CNST: variants seen among roughly 807,000 people sequenced by gnomAD.
CNST encodes consortin, connexin sorting protein.
In CNST, 39 loss-of-function variants were observed where a neutral mutation model predicts 72.4. The observed-to-expected ratio is 0.54, with a 90% CI of 0.42 to 0.70. CNST has a LOEUF of 0.70. Ranked by LOEUF, CNST falls within the 30% of genes least tolerant of loss-of-function variation. CNST has a pLI of 0.00. For missense variants in CNST, 871 were observed against 868.5 expected, an observed-to-expected ratio of 1.00 and a Z score of -0.04; for synonymous variants, 332 against 320.1, an observed-to-expected ratio of 1.04 and a Z score of -0.40.
At chr1:246,634,069 C>A in intron 5 of CNST, 59 bp downstream of exon 5, 1 of 1,033,202 alleles carries the variant, frequency 9.7e-7, no homozygotes, top group Non-Finnish European at 1.5e-6. Flanking sequence ...TCACTATCTA[C>A]AAAATTAACA....
chr1:246,664,584 G>A (rs558608139), intron 10 of CNST, among the ~76,000 whole-genome samples: 28 of 151,996 alleles, frequency 1.8e-4, no homozygotes, highest in Non-Finnish European at 3.1e-4. Flanking sequence ...CTGCCACCAC[G>A]CCCAGCTGAT....
rs1664804792 is a variant in CNST at position 246,632,031 on chromosome 1, G to T, written c.616+107G>T. ...ATGTAATAGAATGTACAGATCATAT[G>T]GTTTCAGTGGTTTTGACAGTTGTAT... On this transcript the variant is annotated intron_variant, in intron 4 of 10. Coordinates refer to ENST00000366513, the MANE Select transcript of CNST (RefSeq NM_152609.3). 5.8e-6 allele frequency: 4 copies of T among 689,786 alleles called. No individual in the cohort carries two copies. The East Asian group carries it at 8.3e-5, about 14-fold the overall frequency. The allele number at this position is 689,786 out of a possible 1,614,324, so 42.7% of individuals were successfully genotyped here.
intron 10 of CNST, among the ~76,000 whole-genome samples, chr1:246,664,681 C>T (rs1008744415): frequency 6.6e-6 from 1 of 152,106 alleles, no homozygotes; most frequent in Non-Finnish European, 1.5e-5. Flanking sequence ...CCGCCTCAGC[C>T]TCCCAAAGTG....
At chr1:246,594,095 G>A (rs1661723131) in intron 2 of CNST, among the ~76,000 whole-genome samples, 1 of 152,156 alleles carries the variant, frequency 6.6e-6, no homozygotes, top group Non-Finnish European at 1.5e-5. Context: ...GCATACCTAT[G>A]AGTCAGTCAT....
chr1:246,574,709 C>G (rs987297697), intron 1 of CNST, among the ~76,000 whole-genome samples: 16 of 152,094 alleles, frequency 1.1e-4, no homozygotes, highest in Non-Finnish European at 1.9e-4. Flanking sequence ...GTGTATTTTT[C>G]AGAGGGAATT....
At chr1:246,584,414 A>G (rs1661001189) in intron 1 of CNST, among the ~76,000 whole-genome samples, 1 of 152,194 alleles carries the variant, frequency 6.6e-6, no homozygotes, top group Non-Finnish European at 1.5e-5. Context: ...AGTGGGAAGA[A>G]TGGCGGTGCA....
At chr1:246,595,845 A>G (rs899432788) in intron 2 of CNST, among the ~76,000 whole-genome samples, 15 of 152,204 alleles carry the variant, frequency 9.9e-5, no homozygotes, top group African/African-American at 3.4e-4. Context: ...TCATTTTTCA[A>G]TTACTACTGT....
At chr1:246,594,398 G>A (rs943874870) in intron 2 of CNST, among the ~76,000 whole-genome samples, 2 of 152,092 alleles carry the variant, frequency 1.3e-5, no homozygotes, top group African/African-American at 4.8e-5. Context: ...TGAAACATAT[G>A]ATTTATAAAA....
intron 6 of CNST, 139 bp from the exon 7 acceptor site, chr1:246,641,610 C>T: frequency 1.6e-6 from 1 of 606,970 alleles, no homozygotes; most frequent in Middle Eastern, 2.6e-4. Context: ...GGTAATGTTT[C>T]AGCCGTGGAA....
intron 1 of CNST, chr1:246,569,816 G>A (rs992259911): frequency 4.0e-6 from 1 of 251,428 alleles, no homozygotes. Flanking sequence ...TCATTTCCTG[G>A]CGTGTCATTG....
chr1:246,621,441 G>A lies in CNST; in HGVS notation c.392G>A (p.Gly131Glu). The A allele has an allele frequency of 1.2e-6, 2 of 1,612,966 alleles. No individual in the cohort carries two copies. Among genetic ancestry groups the A allele is most frequent in the South Asian group, 1.1e-5 (1 of 91,048 alleles). ...TTACTTCTTAAAGGACTTTTTTCAG[G>A]AGATATTGCACCTTTAATGCAAGAA... ...AKKIPPGLFS[G>E]DIAPLMQEKV... is the part of the protein sequence containing the mutation. Residue 131 changes from glycine (G) to glutamate (E), a missense_variant, in exon 3 of 11, where the codon GGA becomes GAA. Gly to Glu is a moderately conservative substitution (Grantham distance 98, BLOSUM62 -2). Coordinates refer to ENST00000366513, the MANE Select transcript of CNST (RefSeq NM_152609.3).
intron 2 of CNST, among the ~76,000 whole-genome samples, chr1:246,618,463 A>G (rs1310348399): frequency 2.0e-5 from 3 of 152,186 alleles, no homozygotes; most frequent in African/African-American, 7.2e-5. Context: ...GGCCTGACAG[A>G]TAATCCTTTT....
chr1:246,599,260 G>GT (rs924306556), intron 2 of CNST, among the ~76,000 whole-genome samples: 3 of 151,646 alleles, frequency 2.0e-5, no homozygotes, highest in Admixed American at 6.6e-5. Flanking sequence ...TACAAATCTA[G>GT]TGGCTTTAAA....
intron 2 of CNST, among the ~76,000 whole-genome samples, chr1:246,615,184 T>G (rs961239835): frequency 6.6e-6 from 1 of 152,186 alleles, no homozygotes; most frequent in Admixed American, 6.5e-5. Context: ...AAAAAAATTT[T>G]TTTTTCTTTG....
intron 1 of CNST, among the ~76,000 whole-genome samples, chr1:246,587,083 T>C (rs935595100): frequency 6.6e-6 from 1 of 152,174 alleles, no homozygotes; most frequent in African/African-American, 2.4e-5. Flanking sequence ...CTTATAAGGA[T>C]TAAATTATAT....
rs1661546001 is a variant in CNST, at chr1:246,591,589, T to C, written c.27T>C (p.Tyr9=). MDDSDTPT[Y]YLQIEPQDGC... ...TGGATGACAGCGATACTCCTACATA[T>C]TATCTGCAAATAGAACCACAAGATG... The change falls in exon 2 of 11, where the codon TAT becomes TAC. Residue 9 remains tyrosine (Y), a synonymous_variant. Transcript: ENST00000366513. 6.2e-7 allele frequency: 1 copy of C among 1,614,084 alleles called. No individual in the cohort carries two copies. The highest frequency in any genetic ancestry group is 8.5e-7 in the Non-Finnish European group (1 of 1,179,920).
At chr1:246,658,659 C>T (rs1666894408) in intron 9 of CNST, among the ~76,000 whole-genome samples, 1 of 152,122 alleles carries the variant, frequency 6.6e-6, no homozygotes, top group South Asian at 2.1e-4. Context: ...GTGTTTTATG[C>T]TATTGATTAG....
At chr1:246,632,717 G>C (rs1664853803) in intron 4 of CNST, among the ~76,000 whole-genome samples, 1 of 152,190 alleles carries the variant, frequency 6.6e-6, no homozygotes, top group Non-Finnish European at 1.5e-5. Flanking sequence ...AAATGAGAAG[G>C]CTAAAGCTCA....
chr1:246,634,581 A>G lies in CNST; in HGVS notation c.812A>G (p.His271Arg). The change falls in exon 6 of 11, where the codon CAT becomes CGT. Residue 271 changes from histidine (H) to arginine (R), a missense_variant. His to Arg is a conservative substitution (Grantham distance 29). Transcript: ENST00000366513. The stretch of plus-strand genomic sequence containing the variant: ...CGGCTTACGAAAATTTGTGCAACAC[A>G]TCAAGAGTAAGTATATCAGAATTTC... Reference protein sequence around the residue: ...FERLTKICATHQDPLLSKHKI... With the variant: ...FERLTKICATRQDPLLSKHKI... 3.2e-6 allele frequency: 5 copies of G among 1,561,692 alleles called. No homozygotes were observed. The highest frequency in any genetic ancestry group is 4.4e-6 in the Non-Finnish European group (5 of 1,142,486).
Sources: allele counts gnomAD v4.1 joint callset (sites outside exome capture counted in the v4.1 genomes callset), GRCh38; gene constraint gnomAD v4.1.1; transcripts MANE v1.5; gene names NCBI Gene and HGNC (gene_info 2026-07-23, HGNC 2026-07-21).